The following ZNF184 variants were observed in gnomAD, a reference collection of about 807,000 sequenced individuals.
The protein encoded by ZNF184 is zinc finger protein 184 (Kruppel-like).
In ZNF184, 16 loss-of-function variants were observed where a neutral mutation model predicts 54.4. The observed-to-expected ratio is 0.29, with a 90% CI of 0.20 to 0.45. The LOEUF (loss-of-function observed/expected upper bound fraction) is 0.45. ZNF184 is among the 20% of genes least tolerant of loss of function. The pLI is 1.00. For missense variants in ZNF184, 681 were observed against 888.2 expected, an observed-to-expected ratio of 0.77 and a Z score of 2.97; for synonymous variants, 254 against 295.3, an observed-to-expected ratio of 0.86 and a Z score of 1.43.
chr6:27,422,710 A>G, the ZNF184 span, among the ~76,000 whole-genome samples: 3,054 of 152,250 alleles, frequency 0.02, 67 homozygotes, highest in African/African-American at 0.052. Context: ...CCTGTTTCCC[A>G]GAGGCAAATC....
chr6:27,426,890 G>T, the ZNF184 span, among the ~76,000 whole-genome samples: 1 of 152,078 alleles, frequency 6.6e-6, no homozygotes, highest in East Asian at 1.9e-4. The surrounding 1 kb of genome is among the most constrained non-coding windows in gnomAD (Gnocchi z 4.2). Flanking sequence ...GATAGGCAAA[G>T]ATTCCTGAAT....
the ZNF184 span, chr6:27,407,770 T>C: frequency 1.3e-6 from 1 of 774,608 alleles, no homozygotes; most frequent in Non-Finnish European, 2.4e-6. Context: ...CTACAAGATT[T>C]GCAGCTCCAT....
At chr6:27,462,548 T>C (rs540708696) in intron 3 of ZNF184, among the ~76,000 whole-genome samples, 1 of 150,014 alleles carries the variant, frequency 6.7e-6, no homozygotes, top group African/African-American at 2.5e-5. Flanking sequence ...TAAGGTAAAA[T>C]TCAGTGTGTG....
At chr6:27,413,143 A>C in the ZNF184 span, among the ~76,000 whole-genome samples, 1 of 152,226 alleles carries the variant, frequency 6.6e-6, no homozygotes, top group Non-Finnish European at 1.5e-5. Context: ...CTGTAATCCC[A>C]GCTACTCAGG....
chr6:27,418,219 A>G, the ZNF184 span, among the ~76,000 whole-genome samples: 3 of 152,200 alleles, frequency 2.0e-5, no homozygotes, highest in Non-Finnish European at 4.4e-5. Flanking sequence ...GGTAGTCATG[A>G]GGGAGAGCCT....
intron 3 of ZNF184, among the ~76,000 whole-genome samples, chr6:27,465,203 G>A (rs1469875111): frequency 6.7e-6 from 1 of 149,802 alleles, no homozygotes; most frequent in Non-Finnish European, 1.5e-5. Context: ...AGAAAAACCC[G>A]GCAGGGCGCG....
chr6:27,442,769 AGAAG>A, the ZNF184 span, among the ~76,000 whole-genome samples: 1 of 120,144 alleles, frequency 8.3e-6, no homozygotes, highest in Non-Finnish European at 1.8e-5. Flanking sequence ...GAAGGAAGGA[AGAAG>A]GAAGGAAGGA....
At position 27,452,393 on chromosome 6, in the gene ZNF184, G is replaced by A. The variant is rs1561835530; in HGVS notation, c.1166C>T (p.Thr389Ile). Residue 389 changes from threonine to isoleucine, a missense_variant, in exon 6 of 6, where the codon ACC (threonine) becomes ATC (isoleucine). Physicochemically the swap from Thr to Ile is moderately conservative, Grantham distance 89. Transcript: ENST00000683788. This position sits in a 1 kb window ranked among gnomAD's most constrained non-coding sequence, Gnocchi z 5.5. Reference sequence around the variant, plus strand: ...CTTTCCACATTCATTACATTTATAGGTTTTTTCTCCAGTATGAATTTTTTG... The same window carrying A: ...CTTTCCACATTCATTACATTTATAGATTTTTTCTCCAGTATGAATTTTTTG... ...QHQKIHTGEK[T>I]YKCNECGKAF... 6.2e-7 allele frequency: 1 copy of A among 1,614,044 alleles called. No homozygotes were observed. The highest frequency in any genetic ancestry group is 1.7e-5 in the Admixed American group (1 of 59,988).
At chr6:27,407,728 A>T in the ZNF184 span, 1 of 752,768 alleles carries the variant, frequency 1.3e-6, no homozygotes, top group Non-Finnish European at 2.5e-6. Context: ...CTTACAGAAG[A>T]TGTCATCAAC....
At chr6:27,422,140 C>CAAAAAA in the ZNF184 span, among the ~76,000 whole-genome samples, 6 of 29,348 alleles carry the variant, frequency 2.0e-4, 1 homozygote, top group Admixed American at 1.2e-3. Flanking sequence ...GGCCGTACCT[C>CAAAAAA]AAAAAAAAAA....
At position 27,450,882 on chromosome 6, in the gene ZNF184, A is replaced by C. The variant is rs1453551278; in HGVS notation, c.*421T>G. 6.6e-6 allele frequency: 1 copy of C among 150,384 alleles called. No homozygotes were observed. The highest frequency in any genetic ancestry group is 2.0e-4 in the East Asian group (1 of 5,072). The allele number at this position is 150,384 out of a possible 1,614,324, so 9.3% of individuals were successfully genotyped here. A position where few individuals can be genotyped will look rare whatever the true frequency, so the allele number is the denominator to read the frequency against. On this transcript the variant is annotated 3_prime_UTR_variant, in exon 6 of 6. Transcript: ENST00000683788. The stretch of plus-strand genomic sequence containing the variant: ...AACAATGTAAATGCATTAGACCAGG[A>C]GCATACTAGATCCCCGATCTAGTTA...
At chr6:27,460,771 A>C (rs1474533151) in intron 3 of ZNF184, among the ~76,000 whole-genome samples, 1 of 152,204 alleles carries the variant, frequency 6.6e-6, no homozygotes, top group Non-Finnish European at 1.5e-5. Context: ...TTGAGAAGTT[A>C]TGTGCACAGT....
chr6:27,466,073 C>CTT (rs2113733104), intron 3 of ZNF184, among the ~76,000 whole-genome samples: 1 of 151,590 alleles, frequency 6.6e-6, no homozygotes, highest in South Asian at 2.1e-4. Context: ...TCACAAGGGT[C>CTT]TTTATAAGAG....
chr6:27,465,169 A>AAAAGAAAAG (rs1554131273), intron 3 of ZNF184, among the ~76,000 whole-genome samples: 6 of 148,458 alleles, frequency 4.0e-5, no homozygotes, highest in African/African-American at 1.5e-4. Context: ...TATTTAAAAA[A>AAAAGAAAAG]AAAAGAAAAG....
At chr6:27,413,330 C>T in the ZNF184 span, among the ~76,000 whole-genome samples, 1 of 152,170 alleles carries the variant, frequency 6.6e-6, no homozygotes, top group Non-Finnish European at 1.5e-5. Context: ...TAAATCCATA[C>T]CTTTTATGGT....
At chr6:27,427,316 A>T in the ZNF184 span, among the ~76,000 whole-genome samples, 1 of 152,116 alleles carries the variant, frequency 6.6e-6, no homozygotes, top group African/African-American at 2.4e-5. Flanking sequence ...GTTCATATTT[A>T]TTCAAAAACT....
the ZNF184 span, among the ~76,000 whole-genome samples, chr6:27,408,488 C>A: frequency 3.9e-4 from 59 of 152,270 alleles, no homozygotes; most frequent in East Asian, 0.011. Flanking sequence ...AGACTACTTG[C>A]TCTGGGCAAA....
chr6:27,452,856 A>C lies in ZNF184; in HGVS notation c.703T>G (p.Ser235Ala). 6.2e-7 allele frequency: 1 copy of C among 1,613,918 alleles called. No homozygotes were observed. The change falls in exon 6 of 6, where the codon TCA (serine) becomes GCA (alanine). Residue 235 changes from serine (S) to alanine (A), a missense_variant. Physicochemically the swap from Ser to Ala is moderately conservative, Grantham distance 99. Coordinates refer to ENST00000683788, the MANE Select transcript of ZNF184 (RefSeq NM_001318891.2). This position sits in a 1 kb window ranked among gnomAD's most constrained non-coding sequence, Gnocchi z 5.5. Reference protein sequence around the residue: ...NECGKAFSYCSALIRHQRTHT... With the variant: ...NECGKAFSYCAALIRHQRTHT... Reference sequence around the variant, plus strand: ...GTTCTCTGATGGCGAATAAGAGCTGAACAATAACTAAAGGCTTTCCCACAT... The same window carrying C: ...GTTCTCTGATGGCGAATAAGAGCTGCACAATAACTAAAGGCTTTCCCACAT...
chr6:27,458,781 T>C (rs1422632251), intron 3 of ZNF184, among the ~76,000 whole-genome samples: 1 of 152,186 alleles, frequency 6.6e-6, no homozygotes, highest in African/African-American at 2.4e-5. Context: ...TGCATCCCCA[T>C]GTTTGCTATG....
Sources: gnomAD v4.1 joint callset for allele counts (sites outside exome capture counted in the v4.1 genomes callset) on GRCh38, gnomAD v4.1.1 for gene constraint, Gnocchi (gnomAD v3.1) non-coding constraint, MANE v1.5 for transcripts, NCBI Gene and HGNC (gene_info 2026-07-23, HGNC 2026-07-21) for gene names.